Variants in FNBP1 observed in about 807,000 individuals in gnomAD.
The protein encoded by FNBP1 is formin-binding protein 1.
Under a neutral mutation model 90.6 loss-of-function variants are expected in FNBP1, and 26 were observed. The ratio of observed to expected loss-of-function variants is 0.29; its 90% CI spans 0.21 to 0.40. FNBP1 has a LOEUF of 0.40. FNBP1 is among the 10% of genes least tolerant of loss of function. FNBP1 has a pLI of 1.00. For synonymous variants in FNBP1, 260 were observed against 265.2 expected, an observed-to-expected ratio of 0.98 and a Z score of 0.19; for missense variants, 635 against 768.0, an observed-to-expected ratio of 0.83 and a Z score of 2.05.
chr9:129,926,218 C>T (rs1371220882), intron 8 of FNBP1, among the ~76,000 whole-genome samples: 1 of 151,976 alleles, frequency 6.6e-6, no homozygotes, highest in East Asian at 1.9e-4. Flanking sequence ...GTGATCCACC[C>T]GCTCCGGCCT....
chr9:129,990,046 G>C (rs577062423), intron 2 of FNBP1, among the ~76,000 whole-genome samples: 9 of 152,046 alleles, frequency 5.9e-5, no homozygotes, highest in African/African-American at 2.2e-4. Flanking sequence ...GAAGGGGAGG[G>C]GAGGGGAGGG....
chr9:130,031,747 C>T lies in FNBP1; in HGVS notation c.24+11205G>A, dbSNP rs1589381755. The stretch of plus-strand genomic sequence containing the variant: ...CACAATCTCAGTTCACTGCAACATC[C>T]ACCTCCTAGATTCAAGCGATTCTCC... On this transcript the variant is annotated intron_variant, in intron 1 of 16. Transcript: ENST00000446176. The surrounding 1 kb of genome is among the most constrained non-coding windows in gnomAD (Gnocchi z 4.2). Among the ~76,000 whole-genome samples the T allele has an allele frequency of 6.6e-6, 1 of 151,942 alleles. No individual in the cohort carries two copies. The highest frequency in any genetic ancestry group is 1.5e-5 in the Non-Finnish European group (1 of 67,988).
intron 11 of FNBP1, among the ~76,000 whole-genome samples, chr9:129,910,351 G>A (rs1480721025): frequency 2.0e-5 from 3 of 151,826 alleles, no homozygotes; most frequent in Non-Finnish European, 4.4e-5. Context: ...GCGTGGTGGC[G>A]AGCGCCTATA....
At chr9:129,964,437 A>G (rs1286374819) in intron 4 of FNBP1, among the ~76,000 whole-genome samples, 1 of 152,086 alleles carries the variant, frequency 6.6e-6, no homozygotes, top group Admixed American at 6.6e-5. Context: ...AATAAGCTAA[A>G]ACAAACAAAC....
At chr9:129,955,773 A>C (rs1412126910) in intron 6 of FNBP1, among the ~76,000 whole-genome samples, 1 of 151,294 alleles carries the variant, frequency 6.6e-6, no homozygotes, top group Non-Finnish European at 1.5e-5. Context: ...ATAAAAAATA[A>C]AATAAAAAGA....
upstream of FNBP1, among the ~76,000 whole-genome samples, chr9:130,043,837 C>T (rs1440532214): frequency 6.6e-6 from 1 of 152,256 alleles, no homozygotes; most frequent in African/African-American, 2.4e-5. Flanking sequence ...CACGTTACCG[C>T]CTAGTGGGTA....
At chr9:130,046,707 G>A (rs1198129998), upstream of FNBP1, among the ~76,000 whole-genome samples, 1 of 149,986 alleles carries the variant, frequency 6.7e-6, no homozygotes, top group Non-Finnish European at 1.5e-5. Context: ...GGCGGAGGGT[G>A]CGGTGAGCTA....
At chr9:129,906,630 CCT>C (rs2131467503) in intron 12 of FNBP1, among the ~76,000 whole-genome samples, 1 of 152,272 alleles carries the variant, frequency 6.6e-6, no homozygotes, top group East Asian at 1.9e-4. Context: ...GTCCATGAAA[CCT>C]CTTTTTCTTT....
rs573345496 is a variant in FNBP1 at position 129,914,862 on chromosome 9, A to G, written c.1185+1104T>C. 8.6e-5 allele frequency: 37 copies of G among 431,982 alleles called. 1 individual carries two copies. In the East Asian group the frequency reaches 2.6e-3, roughly 30 times the overall value. 26.8% of individuals were successfully genotyped at this position (431,982 alleles called of 1,614,324 possible). Reference sequence around the variant, plus strand: ...TAGTGCTGATCTTACTCCTAGTAGAACTGTCACAGTTGATCACTGTCCATT... The same window carrying G: ...TAGTGCTGATCTTACTCCTAGTAGAGCTGTCACAGTTGATCACTGTCCATT... On this transcript the variant is annotated intron_variant, in intron 11 of 16. Transcript: ENST00000446176.
chr9:130,013,038 T>C (rs1456223928), intron 1 of FNBP1, among the ~76,000 whole-genome samples: 1 of 152,110 alleles, frequency 6.6e-6, no homozygotes, highest in East Asian at 1.9e-4. Context: ...AAAGATAGCA[T>C]TGAGGAAAGT....
In FNBP1 at chr9:129,978,612, C is replaced by T. The variant is rs780713924; in HGVS notation, c.198G>A (p.Lys66=). 6.2e-6 allele frequency: 10 copies of T among 1,613,378 alleles called. No homozygotes were observed. The highest frequency in any genetic ancestry group is 2.7e-5 in the African/African-American group (2 of 74,866). The change falls in exon 4 of 17, where the codon AAG becomes AAA. Residue 66 remains lysine, a splice_region_variant and synonymous_variant. Coordinates refer to ENST00000446176, the MANE Select transcript of FNBP1 (RefSeq NM_015033.3). ...KKNSKEEEEY[K]YTSCKAFISN... is the part of the protein sequence containing the mutation. ...AAATGAAAGCTTTACATGACGTATA[C>T]CTATGGAACAGAACACACGCCACTC...
At chr9:129,997,646 T>C (rs2054202556) in intron 1 of FNBP1, among the ~76,000 whole-genome samples, 1 of 152,184 alleles carries the variant, frequency 6.6e-6, no homozygotes, top group Admixed American at 6.5e-5. Context: ...TCAGTAACCC[T>C]TTGTGGATCT....
At chr9:129,985,775 C>T (rs2052085599) in intron 2 of FNBP1, among the ~76,000 whole-genome samples, 1 of 151,394 alleles carries the variant, frequency 6.6e-6, no homozygotes, top group South Asian at 2.1e-4. Context: ...CCAGCCTGAC[C>T]AACATGGTGA....
At chr9:130,022,796 C>T (rs1399434261) in intron 1 of FNBP1, among the ~76,000 whole-genome samples, 1 of 152,136 alleles carries the variant, frequency 6.6e-6, no homozygotes, top group Non-Finnish European at 1.5e-5. Context: ...ACCTCACCCT[C>T]CCAAGTACCT....
Position 129,899,997 on chromosome 9 carries a change from A to G in FNBP1, c.1655T>C (p.Ile552Thr). Residue 552 changes from isoleucine (I) to threonine (T), a missense_variant, in exon 15 of 17, where the codon ATA (isoleucine) becomes ACA (threonine). Transcript: ENST00000446176. ...EFDDEEPLPA[I>T]GTCKALYTFE... ...TGTGTAGAGAGCTTTGCACGTCCCT[A>G]TGGCAGGGAGGGGCTCCTCATCATC... 2 of 1,612,730 alleles carry G rather than the reference A, an allele frequency of 1.2e-6. No homozygotes were observed. The highest frequency in any genetic ancestry group is 1.7e-6 in the Non-Finnish European group (2 of 1,179,320).
At chr9:129,893,876 A>AC (rs2035384023) in intron 16 of FNBP1, among the ~76,000 whole-genome samples, 1 of 143,200 alleles carries the variant, frequency 7.0e-6, no homozygotes, top group African/African-American at 2.6e-5. Flanking sequence ...AGATTGTGCC[A>AC]CCGCACTCCA....
intron 6 of FNBP1, among the ~76,000 whole-genome samples, chr9:129,938,741 T>C (rs761063486): frequency 1.3e-5 from 2 of 152,108 alleles, no homozygotes; most frequent in African/African-American, 2.4e-5. Context: ...ATTTGAAATA[T>C]CTATTTACTC....
chr9:130,050,766 G>C, the FNBP1 span, among the ~76,000 whole-genome samples: 6 of 150,266 alleles, frequency 4.0e-5, no homozygotes, highest in Non-Finnish European at 8.9e-5. Context: ...TCTGCCTCCT[G>C]AGTAGCTGGG....
At chr9:130,046,296 G>A (rs183274057), upstream of FNBP1, among the ~76,000 whole-genome samples, 27 of 152,110 alleles carry the variant, frequency 1.8e-4, 1 homozygote, top group East Asian at 3.3e-3. Context: ...TCCAACCTCC[G>A]GGGACTGGGG....
Sources: allele counts gnomAD v4.1 joint callset (sites outside exome capture counted in the v4.1 genomes callset), GRCh38; gene constraint gnomAD v4.1.1; non-coding constraint Gnocchi (gnomAD v3.1); transcripts MANE v1.5; gene names NCBI Gene and HGNC (gene_info 2026-07-23, HGNC 2026-07-21).